The following TMEM132C variants were observed in gnomAD, a reference collection of about 807,000 sequenced individuals.
TMEM132C encodes the protein transmembrane protein 132C.
In TMEM132C, 29 loss-of-function variants were observed where a neutral mutation model predicts 61.4. That is an observed-to-expected ratio of 0.47 (90% CI 0.35 to 0.64). The LOEUF is 0.64. TMEM132C is among the 30% of genes least tolerant of loss of function. The pLI is 0.00. For missense variants in TMEM132C, 1,408 were observed against 1,476.9 expected (o/e 0.95, Z 0.76); for synonymous variants, 656 against 633.1 (o/e 1.04, Z -0.54).
intron 1 of TMEM132C, among the ~76,000 whole-genome samples, chr12:128,360,773 C>T (rs1310562981): frequency 1.3e-5 from 2 of 152,142 alleles, no homozygotes; most frequent in Non-Finnish European, 2.9e-5. Context: ...ACCTTAGGAG[C>T]CGCCTTGATC....
intron 4 of TMEM132C, among the ~76,000 whole-genome samples, chr12:128,655,535 G>A (rs2135615388): frequency 6.6e-6 from 1 of 151,928 alleles, no homozygotes; most frequent in East Asian, 1.9e-4. Context: ...GGCGGCCCGT[G>A]CATCATTTTA....
intron 2 of TMEM132C, among the ~76,000 whole-genome samples, chr12:128,475,423 C>G (rs919238082): frequency 6.6e-6 from 1 of 151,868 alleles, no homozygotes. Flanking sequence ...GGGGAGGGAC[C>G]GCTAACTGGC....
intron 1 of TMEM132C, among the ~76,000 whole-genome samples, chr12:128,300,202 G>GT (rs1433887788): frequency 1.3e-5 from 2 of 152,120 alleles, no homozygotes; most frequent in South Asian, 2.1e-4. Flanking sequence ...CCTCTAAGCA[G>GT]TTTTTTACTG....
intron 3 of TMEM132C, among the ~76,000 whole-genome samples, chr12:128,598,144 C>T (rs910011585): frequency 2.6e-5 from 4 of 152,156 alleles, no homozygotes; most frequent in African/African-American, 7.2e-5. Flanking sequence ...AGGCTGGGCA[C>T]GGTGGTTCAT....
At chr12:128,383,224 A>G (rs1565919255) in intron 1 of TMEM132C, among the ~76,000 whole-genome samples, 1 of 152,140 alleles carries the variant, frequency 6.6e-6, no homozygotes, top group Non-Finnish European at 1.5e-5. Context: ...GAGCATATAC[A>G]CATGTCTGTG....
intron 1 of TMEM132C, among the ~76,000 whole-genome samples, chr12:128,358,639 G>A (rs1873597505): frequency 6.6e-6 from 1 of 151,936 alleles, no homozygotes; most frequent in East Asian, 1.9e-4. Context: ...ACCAACCATG[G>A]GGTCCCCTGG....
At chr12:128,586,310 TA>T (rs1393653372) in intron 3 of TMEM132C, among the ~76,000 whole-genome samples, 1 of 150,458 alleles carries the variant, frequency 6.6e-6, no homozygotes, top group Non-Finnish European at 1.5e-5. Flanking sequence ...TTTATCATTA[TA>T]TATTATTATA....
Position 128,274,207 on chromosome 12 carries a change from T to C in TMEM132C, c.85+6720T>C, listed in dbSNP as rs533601254. 8.1e-4 allele frequency among the ~76,000 whole-genome samples: 124 copies of C among 152,336 alleles called. 1 individual carries two copies. The South Asian group carries it at 0.025, about 31-fold the overall frequency. On this transcript the variant is annotated intron_variant, in intron 1 of 8. Coordinates refer to ENST00000435159, the MANE Select transcript of TMEM132C (RefSeq NM_001136103.3). ...TCCACAATGTGTACGCATTTTTTCTTCCTGATTAAGGATGTTCTTAATAAT... is the reference window on the plus strand; with the variant it reads ...TCCACAATGTGTACGCATTTTTTCTCCCTGATTAAGGATGTTCTTAATAAT...
intron 5 of TMEM132C, among the ~76,000 whole-genome samples, chr12:128,680,903 G>C (rs1325984736): frequency 6.6e-6 from 1 of 152,218 alleles, no homozygotes; most frequent in Non-Finnish European, 1.5e-5. Context: ...AAGTTTTTAA[G>C]TCTCACGGAC....
chr12:128,558,424 G>A (rs1874402598), intron 3 of TMEM132C, among the ~76,000 whole-genome samples: 1 of 152,096 alleles, frequency 6.6e-6, no homozygotes, highest in Non-Finnish European at 1.5e-5. Context: ...TTGTATAAAT[G>A]GCAGTTCCCC....
At chr12:128,411,139 T>C (rs1868522875) in intron 1 of TMEM132C, among the ~76,000 whole-genome samples, 1 of 152,234 alleles carries the variant, frequency 6.6e-6, no homozygotes, top group Non-Finnish European at 1.5e-5. Flanking sequence ...CCTGGTGATG[T>C]CAATTTTGGT....
Position 128,705,259 on chromosome 12 carries a change from G to T in TMEM132C, c.2291G>T (p.Gly764Val). 6.4e-7 allele frequency: 1 copy of T among 1,551,652 alleles called. No homozygotes were observed. The highest frequency in any genetic ancestry group is 8.7e-7 in the Non-Finnish European group (1 of 1,146,994). Residue 764 changes from glycine to valine, a missense_variant, in exon 9 of 9, where the codon GGC (glycine) becomes GTC (valine). Physicochemically the swap from Gly to Val is moderately radical, Grantham distance 109 (BLOSUM62 -3). Coordinates refer to ENST00000435159, the MANE Select transcript of TMEM132C (RefSeq NM_001136103.3). ...CCCGTTGTGGTGGCCGAAGGGGAAGGCCAGGGCCCACTGATCCGAGTGGAC... is the reference window on the plus strand; with the variant it reads ...CCCGTTGTGGTGGCCGAAGGGGAAGTCCAGGGCCCACTGATCCGAGTGGAC... ...RWPVVVAEGE[G>V]QGPLIRVDMT...
In TMEM132C at chr12:128,500,702, A is replaced by T. The variant is rs145059064; in HGVS notation, c.975-43255A>T. 4.6e-3 allele frequency among the ~76,000 whole-genome samples: 694 copies of T among 152,304 alleles called. 5 individuals carry two copies. Among genetic ancestry groups the T allele is most frequent in the African/African-American group, 0.016 (662 of 41,568 alleles). On this transcript the variant is annotated intron_variant, in intron 2 of 8. Coordinates refer to ENST00000435159, the MANE Select transcript of TMEM132C (RefSeq NM_001136103.3). ...AAAAGACCACAGACGTTGGGAAGAAACTGAAACATTCATACATTGATGATG... is the reference window on the plus strand; with the variant it reads ...AAAAGACCACAGACGTTGGGAAGAATCTGAAACATTCATACATTGATGATG...
chr12:128,560,788 T>C (rs1385689796), intron 3 of TMEM132C, among the ~76,000 whole-genome samples: 1 of 152,236 alleles, frequency 6.6e-6, no homozygotes, highest in Non-Finnish European at 1.5e-5. Flanking sequence ...GAAAGATCTT[T>C]GTAACAATAT....
chr12:128,417,786 G>A (rs1296249705), intron 2 of TMEM132C, among the ~76,000 whole-genome samples: 1 of 152,154 alleles, frequency 6.6e-6, no homozygotes, highest in Non-Finnish European at 1.5e-5. Context: ...AATAAGCATT[G>A]AATTGTATCT....
At chr12:128,598,979 A>G (rs1195707826) in intron 3 of TMEM132C, among the ~76,000 whole-genome samples, 1 of 152,126 alleles carries the variant, frequency 6.6e-6, no homozygotes, top group Non-Finnish European at 1.5e-5. Flanking sequence ...CCCCTTGCCA[A>G]CTGGATTTTG....
intron 4 of TMEM132C, among the ~76,000 whole-genome samples, chr12:128,632,346 T>C (rs572334469): frequency 1.3e-5 from 2 of 152,318 alleles, no homozygotes; most frequent in South Asian, 2.1e-4. Context: ...GCCATTATTA[T>C]TAATTAGTAG....
At position 128,339,952 on chromosome 12, in the gene TMEM132C, C is replaced by G. The variant is rs529073431; in HGVS notation, c.85+72465C>G. ...GCCACCTTTCTGTGTTTCTCTAATACAAACTTGGTCATCAATGCAACTGTT... is the reference window on the plus strand; with the variant it reads ...GCCACCTTTCTGTGTTTCTCTAATAGAAACTTGGTCATCAATGCAACTGTT... On this transcript the variant is annotated intron_variant, in intron 1 of 8. Transcript: ENST00000435159. 3.3e-5 allele frequency among the ~76,000 whole-genome samples: 5 copies of G among 152,312 alleles called. No homozygotes were observed. The South Asian group carries it at 1.0e-3, about 32-fold the overall frequency.
At chr12:128,371,909 G>A (rs974852504) in intron 1 of TMEM132C, among the ~76,000 whole-genome samples, 2 of 152,166 alleles carry the variant, frequency 1.3e-5, no homozygotes, top group East Asian at 1.9e-4. Flanking sequence ...CTTTATTGAA[G>A]TATGATTTAT....
Sources: allele counts gnomAD v4.1 joint callset (sites outside exome capture counted in the v4.1 genomes callset), GRCh38; gene constraint gnomAD v4.1.1; transcripts MANE v1.5; gene names NCBI Gene and HGNC (gene_info 2026-07-23, HGNC 2026-07-21).